Variants in TBL1X observed in about 807,000 individuals in gnomAD.
TBL1X encodes F-box-like/WD repeat-containing protein TBL1X.
A neutral mutation model predicts 50.7 loss-of-function variants in TBL1X; 10 were observed. That is an observed-to-expected ratio of 0.20 (90% CI 0.12 to 0.33). The LOEUF (loss-of-function observed/expected upper bound fraction) is 0.33. Ranked by LOEUF, TBL1X falls within the 10% of genes least tolerant of loss-of-function variation. TBL1X has a pLI of 1.00. For missense variants in TBL1X, 340 were observed against 504.4 expected, an observed-to-expected ratio of 0.67 and a Z score of 3.12; for synonymous variants, 190 against 214.7, an observed-to-expected ratio of 0.88 and a Z score of 1.01.
At position 9,498,144 on chromosome X, in the gene TBL1X, CTCTG is replaced by C. The variant is rs764514005; in HGVS notation, c.-200-3631_-200-3628del. On this transcript the variant is annotated intron_variant, in intron 1 of 17. Coordinates refer to ENST00000645353, the MANE Select transcript of TBL1X (RefSeq NM_005647.4). Reference sequence around the variant, plus strand: ...TTCAAATAATGATTTGATTTCTGTTCTCTGTCTGGGTCGCTTCAATAACATGGAT... The same window carrying C: ...TTCAAATAATGATTTGATTTCTGTTCTCTGGGTCGCTTCAATAACATGGAT... Among the ~76,000 whole-genome samples, 19 of 111,590 alleles carry C rather than the reference CTCTG, an allele frequency of 1.7e-4. No homozygotes were observed. In the South Asian group the frequency reaches 6.0e-3, roughly 35 times the overall value.
rs16985670 is a variant in TBL1X, at chrX:9,716,259, A to G, written c.*13A>G. On this transcript the variant is annotated 3_prime_UTR_variant, in exon 18 of 18. Coordinates refer to ENST00000645353, the MANE Select transcript of TBL1X (RefSeq NM_005647.4). ...TCTGCGGAAGTAACCACAAAATATT[A>G]TCGAAAAAAGAAAAGAATTCTAATG... 8.2e-3 allele frequency: 9,924 copies of G among 1,205,089 alleles called. 540 individuals are homozygous for G. In the African/African-American group the frequency reaches 0.15, roughly 18 times the overall value.
At chrX:9,571,894 T>C (rs1220210808) in intron 2 of TBL1X, among the ~76,000 whole-genome samples, 2 of 112,756 alleles carry the variant, frequency 1.8e-5, no homozygotes, top group African/African-American at 6.4e-5. Flanking sequence ...GATTCATCTG[T>C]ATTGTAGCAT....
chrX:9,499,464 G>C (rs1474989178), intron 1 of TBL1X, among the ~76,000 whole-genome samples: 1 of 112,221 alleles, frequency 8.9e-6, no homozygotes, highest in Non-Finnish European at 1.9e-5. Flanking sequence ...GGTCGGAAGA[G>C]AAAGGGGAAA....
At chrX:9,623,021 G>A (rs1256031236) in intron 2 of TBL1X, among the ~76,000 whole-genome samples, 4 of 111,260 alleles carry the variant, frequency 3.6e-5, no homozygotes, top group Admixed American at 9.6e-5. Context: ...GGATCACATG[G>A]TAATTCTGTT....
intron 2 of TBL1X, among the ~76,000 whole-genome samples, chrX:9,550,705 A>G (rs947448519): frequency 8.9e-6 from 1 of 112,380 alleles, no homozygotes; most frequent in African/African-American, 3.2e-5. Context: ...GTAACTCATT[A>G]TAATCTGGGA....
chrX:9,573,629 C>A (rs928753405), intron 2 of TBL1X, among the ~76,000 whole-genome samples: 1 of 112,594 alleles, frequency 8.9e-6, no homozygotes. Flanking sequence ...TCATTTGCCC[C>A]ACAATACCTC....
intron 1 of TBL1X, among the ~76,000 whole-genome samples, chrX:9,479,880 G>C (rs1156308234): frequency 9.0e-6 from 1 of 111,069 alleles, no homozygotes; most frequent in Non-Finnish European, 1.9e-5. Context: ...ATTGTAACAC[G>C]TATAATTGAG....
intron 1 of TBL1X, among the ~76,000 whole-genome samples, chrX:9,487,883 T>G (rs2146938281): frequency 9.0e-6 from 1 of 111,257 alleles, no homozygotes; most frequent in East Asian, 2.8e-4. Flanking sequence ...GAGCTGAGGT[T>G]GTGGGATTCC....
intron 2 of TBL1X, among the ~76,000 whole-genome samples, chrX:9,518,352 A>G (rs778873633): frequency 8.1e-5 from 9 of 111,272 alleles, no homozygotes; most frequent in South Asian, 3.9e-4. Flanking sequence ...GGCACGTACC[A>G]TCTTGGTGGT....
At chrX:9,546,721 T>C (rs192582242) in intron 2 of TBL1X, among the ~76,000 whole-genome samples, 44 of 111,116 alleles carry the variant, frequency 4.0e-4, no homozygotes, top group East Asian at 2.2e-3. Flanking sequence ...CTTCTATTCA[T>C]TTTTCATTTA....
At chrX:9,543,560 G>A (rs753724298) in intron 2 of TBL1X, among the ~76,000 whole-genome samples, 1 of 110,081 alleles carries the variant, frequency 9.1e-6, no homozygotes, top group South Asian at 4.1e-4. Flanking sequence ...AGGCAGAGCT[G>A]TCAGAGTGTG....
chrX:9,619,768 C>G (rs1004193360), intron 2 of TBL1X, among the ~76,000 whole-genome samples: 1 of 111,172 alleles, frequency 9.0e-6, no homozygotes, highest in Non-Finnish European at 1.9e-5. Context: ...AGGTGCGGAC[C>G]GGAGTGCCGC....
At chrX:9,702,166 T>C (rs1361125725) in intron 12 of TBL1X, among the ~76,000 whole-genome samples, 5 of 111,537 alleles carry the variant, frequency 4.5e-5, no homozygotes, top group Non-Finnish European at 9.4e-5. Context: ...CTGGGTGCGT[T>C]GGCTCATTCC....
At chrX:9,579,191 G>A (rs1392346187) in intron 2 of TBL1X, among the ~76,000 whole-genome samples, 1 of 112,237 alleles carries the variant, frequency 8.9e-6, no homozygotes, top group Non-Finnish European at 1.9e-5. Flanking sequence ...GCATCTTGTT[G>A]TAAGAGTCTA....
At chrX:9,705,614 C>T (rs1194256621) in intron 13 of TBL1X, among the ~76,000 whole-genome samples, 8 of 107,079 alleles carry the variant, frequency 7.5e-5, no homozygotes, top group Non-Finnish European at 1.2e-4. Context: ...AAAGTAGCTG[C>T]GTATGGTGAT....
chrX:9,700,258 C>G (rs759618937), intron 12 of TBL1X, among the ~76,000 whole-genome samples: 1 of 112,470 alleles, frequency 8.9e-6, no homozygotes, highest in Non-Finnish European at 1.9e-5. Context: ...GGGGGTGAGG[C>G]AGGGATGTCT....
chrX:9,479,541 CTG>C (rs1016911058), intron 1 of TBL1X, among the ~76,000 whole-genome samples: 2 of 112,480 alleles, frequency 1.8e-5, no homozygotes, highest in Non-Finnish European at 3.8e-5. Flanking sequence ...TCACATGACT[CTG>C]ATCTTTCAAA....
chrX:9,667,976 A>G (rs1287788934), intron 5 of TBL1X, among the ~76,000 whole-genome samples: 3 of 112,150 alleles, frequency 2.7e-5, no homozygotes, highest in Non-Finnish European at 1.9e-5. Flanking sequence ...CTAAAGTCCA[A>G]AAGAGATATA....
intron 2 of TBL1X, among the ~76,000 whole-genome samples, chrX:9,623,512 C>T (rs1361891081): frequency 9.0e-6 from 1 of 110,722 alleles, no homozygotes; most frequent in African/African-American, 3.3e-5. Context: ...CATGGAGAAA[C>T]CCTGTCTCTA....
Sources: gnomAD v4.1 joint callset for allele counts (sites outside exome capture counted in the v4.1 genomes callset) on GRCh38, gnomAD v4.1.1 for gene constraint, MANE v1.5 for transcripts, NCBI Gene and HGNC (gene_info 2026-07-23, HGNC 2026-07-21) for gene names.